The following SERPINB4 variants were observed in gnomAD, a reference collection of about 807,000 sequenced individuals.
SERPINB4 encodes the protein serpin family B member 4.
A neutral mutation model predicts 33.2 loss-of-function variants in SERPINB4; 39 were observed. The ratio of observed to expected loss-of-function variants is 1.18; its 90% CI spans 0.91 to 1.53. SERPINB4 has a LOEUF of 1.53. Among genes scored for constraint, SERPINB4 ranks in the 40% most tolerant of loss-of-function variants. The pLI is 0.00. For synonymous variants in SERPINB4, 191 were observed against 166.4 expected (o/e 1.15, Z -1.14); for missense variants, 564 against 455.4 (o/e 1.24, Z -2.17).
chr18:63,641,901 A>G lies in SERPINB4; in HGVS notation c.223-13T>C, dbSNP rs778781409. On this transcript the variant is annotated splice_polypyrimidine_tract_variant and intron_variant, in intron 3 of 7. Coordinates refer to ENST00000341074, the MANE Select transcript of SERPINB4 (RefSeq NM_002974.4). ...CTGACCTATCAACCTTCAAACATCA[A>G]AAAGGGAGATCATTCAATTGCTGTA... The G allele has an allele frequency of 4.3e-6, 7 of 1,612,374 alleles. No homozygotes were observed. The highest frequency in any genetic ancestry group is 4.0e-5 in the African/African-American group (3 of 74,870).
chr18:63,642,340 A>C (rs1453568153), intron 3 of SERPINB4, among the ~76,000 whole-genome samples: 2 of 152,122 alleles, frequency 1.3e-5, no homozygotes. Context: ...TGTAGGACAC[A>C]TTGACTGATC....
At chr18:63,640,221 T>C (rs1156319327) in intron 5 of SERPINB4, among the ~76,000 whole-genome samples, 2 of 152,030 alleles carry the variant, frequency 1.3e-5, no homozygotes, top group Admixed American at 6.6e-5. Context: ...AGCTCTGTAA[T>C]ATGAAACGCA....
chr18:63,641,881 C>T lies in SERPINB4; in HGVS notation c.230G>A (p.Arg77Lys), dbSNP rs2144472946. ...TEKAATYHVD[R>K]SGNVHHQFQK... ...AAACTGGTGATGAACATTTCCTGAC[C>T]TATCAACCTTCAAACATCAAAAAGG... The change falls in exon 4 of 8, where the codon AGG becomes AAG. Residue 77 changes from arginine (R) to lysine (K), a missense_variant. Transcript: ENST00000341074. The T allele has an allele frequency of 1.9e-6, 3 of 1,613,126 alleles. No individual in the cohort carries two copies. Among genetic ancestry groups the T allele is most frequent in the Non-Finnish European group, 2.5e-6 (3 of 1,179,374 alleles).
At position 63,637,783 on chromosome 18, in the gene SERPINB4, A is replaced by G. The variant is rs1912977223; in HGVS notation, c.1109T>C (p.Leu370Pro). The change falls in exon 8 of 8, where the codon CTA becomes CCA. Residue 370 changes from leucine to proline, a missense_variant. Leu to Pro is a moderately conservative substitution (Grantham distance 98). Transcript: ENST00000341074. Reference sequence around the variant, plus strand: ...GGTCTTATTTTGCCTTATGAAGAATAGGAAAGGGTGATTACAACAGAACTC... The same window carrying G: ...GGTCTTATTTTGCCTTATGAAGAATGGGAAAGGGTGATTACAACAGAACTC... The part of the protein sequence containing the change: ...NEEFCCNHPF[L>P]FFIRQNKTNS... 1.2e-6 allele frequency: 2 copies of G among 1,613,348 alleles called. No individual in the cohort carries two copies. Among genetic ancestry groups the G allele is most frequent in the South Asian group, 2.2e-5 (2 of 91,046 alleles).
At position 63,642,013 on chromosome 18, in the gene SERPINB4, C is replaced by G. The variant is rs1165880349; in HGVS notation, c.223-125G>C. 6.5e-6 allele frequency: 9 copies of G among 1,387,120 alleles called. No homozygotes were observed. The African/African-American group carries it at 1.3e-4, about 20-fold the overall frequency. 85.9% of individuals were successfully genotyped at this position (1,387,120 alleles called of 1,614,324 possible). A position where few individuals can be genotyped will look rare whatever the true frequency, so the allele number is the denominator to read the frequency against. On this transcript the variant is annotated intron_variant, in intron 3 of 7. Transcript: ENST00000341074. Reference sequence around the variant, plus strand: ...CATTGAGGACCTTTGATGTTATTCCCTGATAATTGGTGTATTTCACCTCAA... The same window carrying G: ...CATTGAGGACCTTTGATGTTATTCCGTGATAATTGGTGTATTTCACCTCAA...
intron 3 of SERPINB4, chr18:63,642,862 C>T (rs1449041849): frequency 9.3e-6 from 3 of 322,052 alleles, no homozygotes; most frequent in African/African-American, 6.4e-5. Context: ...GTCACTGGGA[C>T]TCCGAGCAGT....
Position 63,639,244 on chromosome 18 carries a change from T to A in SERPINB4, c.709A>T (p.Lys237Ter). 6.2e-7 allele frequency: 1 copy of A among 1,612,876 alleles called. No individual in the cohort carries two copies. Among genetic ancestry groups the A allele is most frequent in the Non-Finnish European group, 8.5e-7 (1 of 1,179,224 alleles). ...VQAKVLEIPY[K>*]GKDLSMIVLL... ...ACAATCATGCTTAGATCTTTGCCTT[T>A]GTATGGTATTTCCAGGACCTTGGCC... Residue 237 changes from lysine to a stop codon, truncating the protein, a stop_gained, in exon 7 of 8, where the codon AAA becomes TAA. Transcript: ENST00000341074. LOFTEE classifies it high-confidence loss of function.
chr18:63,643,495 A>G lies in SERPINB4; in HGVS notation c.83T>C (p.Phe28Ser), dbSNP rs1324978079. Reference protein sequence around the residue: ...QFRKSKENNIFYSPISITSAL... With the variant: ...QFRKSKENNISYSPISITSAL... ...TGATGTGATGCTGATAGGGGAATAG[A>G]AGATGTTGTTCTCTTTTGATTTTCT... Residue 28 changes from phenylalanine to serine, a missense_variant, in exon 2 of 8, where the codon TTC becomes TCC. Physicochemically the swap from Phe to Ser is radical, Grantham distance 155 (BLOSUM62 -2). Coordinates refer to ENST00000341074, the MANE Select transcript of SERPINB4 (RefSeq NM_002974.4). 2 of 1,613,636 alleles carry G rather than the reference A, an allele frequency of 1.2e-6. No individual in the cohort carries two copies. Among genetic ancestry groups the G allele is most frequent in the Admixed American group, 1.7e-5 (1 of 59,964 alleles).
chr18:63,642,037 A>C, intron 3 of SERPINB4, 149 bp from the exon 4 acceptor site: 1 of 1,214,270 alleles, frequency 8.2e-7, no homozygotes, highest in East Asian at 2.4e-5. Context: ...ATTTCACCTC[A>C]AATACCCTTC....
At chr18:63,641,178 A>G (rs113035765) in intron 4 of SERPINB4, among the ~76,000 whole-genome samples, 187 bp from the exon 5 acceptor site, 1 of 152,092 alleles carries the variant, frequency 6.6e-6, no homozygotes, top group East Asian at 1.9e-4. Context: ...GGCTGGCACA[A>G]GAAAGAGGTC....
At position 63,639,333 on chromosome 18, in the gene SERPINB4, T is replaced by C. The variant is rs1913046651; in HGVS notation, c.620A>G (p.Tyr207Cys). 1.9e-6 allele frequency: 3 copies of C among 1,603,332 alleles called. No homozygotes were observed. Among genetic ancestry groups the C allele is most frequent in the Non-Finnish European group, 8.5e-7 (1 of 1,173,328 alleles). The change falls in exon 7 of 8, where the codon TAC becomes TGC. Residue 207 changes from tyrosine (Y) to cysteine (C), a missense_variant. By Grantham distance (194) the Tyr-to-Cys change is radical. Transcript: ENST00000341074. ...EEKFWPNKNT[Y>C]KSVQMMRQYN... ...TTGCCTCATCATCTGTACAGATTTG[T>C]ATGTATTCTGCAATAAATCAATGTG...
In SERPINB4 at chr18:63,637,536, G is replaced by T. The variant is rs1168621352; in HGVS notation, c.*183C>A. ...GAAGGAAAAGTACATTTATATGTGGGCTTATTAAGAGAAAGAGAGAAAGGC... is the reference window on the plus strand; with the variant it reads ...GAAGGAAAAGTACATTTATATGTGGTCTTATTAAGAGAAAGAGAGAAAGGC... On this transcript the variant is annotated 3_prime_UTR_variant, in exon 8 of 8. Coordinates refer to ENST00000341074, the MANE Select transcript of SERPINB4 (RefSeq NM_002974.4). 4 of 606,194 alleles carry T rather than the reference G, an allele frequency of 6.6e-6. No homozygotes were observed. The highest frequency in any genetic ancestry group is 7.0e-5 in the Admixed American group (2 of 28,760). 37.6% of individuals were successfully genotyped at this position (606,194 alleles called of 1,614,324 possible).
chr18:63,639,502 A>G, intron 6 of SERPINB4, 132 bp downstream of exon 6: 3 of 1,013,254 alleles, frequency 3.0e-6, no homozygotes. Context: ...AAATAAAGTT[A>G]TAAGAGTAAA....
chr18:63,638,449 T>C (rs1403623368), intron 7 of SERPINB4, among the ~76,000 whole-genome samples: 1 of 152,050 alleles, frequency 6.6e-6, no homozygotes, highest in African/African-American at 2.4e-5. Context: ...ATGAACTGTA[T>C]GTATCACTAT....
chr18:63,641,815 T>C lies in SERPINB4; in HGVS notation c.296A>G (p.Tyr99Cys), dbSNP rs1259418031. Residue 99 changes from tyrosine (Y) to cysteine (C), a missense_variant, in exon 4 of 8, where the codon TAT becomes TGT. Transcript: ENST00000341074. The stretch of plus-strand genomic sequence containing the variant: ...GAGCTTGTTGGCGATCTTCAGCTCA[T>C]ATGCATCAGTGGATTTGTTGAATTC... Reference protein sequence around the residue: ...LTEFNKSTDAYELKIANKLFG... With the variant: ...LTEFNKSTDACELKIANKLFG... 3 of 1,613,522 alleles carry C rather than the reference T, an allele frequency of 1.9e-6. No individual in the cohort carries two copies. Among genetic ancestry groups the C allele is most frequent in the Non-Finnish European group, 2.5e-6 (3 of 1,179,568 alleles).
chr18:63,637,788 A>T lies in SERPINB4; in HGVS notation c.1104T>A (p.Pro368=). Residue 368 remains proline, a synonymous_variant, in exon 8 of 8, where the codon CCT becomes CCA. Transcript: ENST00000341074. ...TATTTTGCCTTATGAAGAATAGGAAAGGGTGATTACAACAGAACTCTTCAT... is the reference window on the plus strand; with the variant it reads ...TATTTTGCCTTATGAAGAATAGGAATGGGTGATTACAACAGAACTCTTCAT... The part of the protein sequence containing the change: ...STNEEFCCNH[P]FLFFIRQNKT... 1 of 1,613,490 alleles carries T rather than the reference A, an allele frequency of 6.2e-7. No individual in the cohort carries two copies. The highest frequency in any genetic ancestry group is 8.5e-7 in the Non-Finnish European group (1 of 1,179,634).
intron 5 of SERPINB4, 84 bp from the exon 6 acceptor site, chr18:63,639,860 T>C: frequency 1.6e-6 from 2 of 1,276,844 alleles, no homozygotes; most frequent in Non-Finnish European, 2.2e-6. Context: ...TCGTGACTGA[T>C]CGTTAATTAT....
At position 63,641,761 on chromosome 18, in the gene SERPINB4, T is replaced by C; in HGVS notation, c.350A>G (p.Gln117Arg). 1 of 1,613,262 alleles carries C rather than the reference T, an allele frequency of 6.2e-7. No individual in the cohort carries two copies. The highest frequency in any genetic ancestry group is 2.2e-5 in the East Asian group (1 of 44,870). The change falls in exon 4 of 8, where the codon CAG (glutamine) becomes CGG (arginine). Residue 117 changes from glutamine (Q) to arginine (R), a missense_variant and splice_region_variant. Coordinates refer to ENST00000341074, the MANE Select transcript of SERPINB4 (RefSeq NM_002974.4). ...LFGEKTYQFL[Q>R]EYLDAIKKFY... ...TGTGGGTAGGCCAGGTGAAATTACC[T>C]GTAAAAATTGATACGTCTTTTCTCC... is the stretch of plus-strand genomic sequence containing the variant.
rs199677518 is a variant in SERPINB4, at chr18:63,638,027, T to C, written c.865A>G (p.Met289Val). The C allele has an allele frequency of 9.3e-6, 15 of 1,613,618 alleles. No homozygotes were observed. Among genetic ancestry groups the C allele is most frequent in the East Asian group, 2.2e-5 (1 of 44,860 alleles). ...CVDLHLPRFK[M>V]EESYDLKDTL... ...TCCTTGAGGTCATAGCTCTCTTCCA[T>C]TTTGAACCGAGGTAAGTGTAAATCG... is the stretch of plus-strand genomic sequence containing the variant. The change falls in exon 8 of 8, where the codon ATG becomes GTG. Residue 289 changes from methionine (M) to valine (V), a missense_variant. Transcript: ENST00000341074.
Sources: allele counts gnomAD v4.1 joint callset (sites outside exome capture counted in the v4.1 genomes callset), GRCh38; gene constraint gnomAD v4.1.1; transcripts MANE v1.5; gene names NCBI Gene and HGNC (gene_info 2026-07-23, HGNC 2026-07-21).